The following CACNA1S variants were observed in gnomAD, a reference collection of about 807,000 sequenced individuals.
CACNA1S encodes the protein calcium voltage-gated channel subunit alpha1 S.
CACNA1S carries 126 observed loss-of-function variants against 207.4 expected under a neutral mutation model. That is an observed-to-expected ratio of 0.61 (90% CI 0.53 to 0.70). The LOEUF (loss-of-function observed/expected upper bound fraction) is 0.70, where lower values mean the gene tolerates loss of function less well. Ranked by LOEUF, CACNA1S falls within the 30% of genes least tolerant of loss-of-function variation. CACNA1S has a pLI of 0.00. For missense variants in CACNA1S, 2,349 were observed against 2,422.8 expected (o/e 0.97, Z 0.64); for synonymous variants, 960 against 932.7 (o/e 1.03, Z -0.53).
intron 32 of CACNA1S, among the ~76,000 whole-genome samples, chr1:201,051,578 T>C (rs1341603294): frequency 1.3e-5 from 2 of 152,274 alleles, no homozygotes; most frequent in Non-Finnish European, 2.9e-5. Context: ...ATTTCACACC[T>C]TGTGGATGTG....
chr1:201,101,243 G>A (rs1436580153), intron 2 of CACNA1S, among the ~76,000 whole-genome samples: 1 of 152,162 alleles, frequency 6.6e-6, no homozygotes, highest in Non-Finnish European at 1.5e-5. Context: ...GCTGCGGGCT[G>A]GGGAAAATCC....
In CACNA1S at chr1:201,066,425, C is replaced by A; in HGVS notation, c.2658-109G>T. The stretch of plus-strand genomic sequence containing the variant: ...CCCTCCACACCAGCTGCCTTTCTGC[C>A]TGAAAACACTCCCACCTTCCCCTTC... On this transcript the variant is annotated intron_variant, in intron 20 of 43. Transcript: ENST00000362061. This position sits in a 1 kb window ranked among gnomAD's most constrained non-coding sequence, Gnocchi z 4.3. 1.1e-6 allele frequency: 1 copy of A among 934,286 alleles called. No homozygotes were observed. Among genetic ancestry groups the A allele is most frequent in the Non-Finnish European group, 1.7e-6 (1 of 578,132 alleles). 57.9% of individuals were successfully genotyped at this position (934,286 alleles called of 1,614,324 possible).
chr1:201,043,767 C>A lies in CACNA1S; in HGVS notation c.4798-236G>T, dbSNP rs145256243. On this transcript the variant is annotated intron_variant, in intron 39 of 43. Transcript: ENST00000362061. ...TAAGGAGGTATATAGGGGACACAGG[C>A]ACACAGAAGAGAAGTGTGGTGTAGG... Among the ~76,000 whole-genome samples the A allele has an allele frequency of 2.0e-4, 30 of 152,260 alleles. No individual in the cohort carries two copies. The East Asian group carries it at 5.8e-3, about 29-fold the overall frequency.
chr1:201,055,319 C>T (rs1660800735), intron 28 of CACNA1S, among the ~76,000 whole-genome samples: 1 of 152,202 alleles, frequency 6.6e-6, no homozygotes, highest in African/African-American at 2.4e-5. Context: ...TTTCCCTGGA[C>T]CACTGGTTCT....
At chr1:201,058,021 C>A (rs1035249593) in intron 28 of CACNA1S, among the ~76,000 whole-genome samples, 5 of 152,186 alleles carry the variant, frequency 3.3e-5, no homozygotes, top group African/African-American at 1.2e-4. Flanking sequence ...GCATTTCCTG[C>A]GCTGTGCCTC....
chr1:201,074,384 G>C, intron 14 of CACNA1S, 122 bp downstream of exon 14: 1 of 718,098 alleles, frequency 1.4e-6, no homozygotes, highest in South Asian at 1.5e-5. Context: ...TTTGCCCACT[G>C]AGGTGGGTGT....
At chr1:201,084,040 T>G (rs1007073769) in intron 9 of CACNA1S, among the ~76,000 whole-genome samples, 2 of 152,220 alleles carry the variant, frequency 1.3e-5, no homozygotes, top group African/African-American at 4.8e-5. Context: ...TCCTGTGGAA[T>G]GTTTTACATC....
intron 2 of CACNA1S, among the ~76,000 whole-genome samples, chr1:201,102,743 T>C (rs1025257424): frequency 5.9e-5 from 9 of 152,228 alleles, no homozygotes; most frequent in Non-Finnish European, 1.3e-4. Flanking sequence ...AGCCATGATA[T>C]GTATAGACAG....
rs368720988 is a variant in CACNA1S at position 201,069,215 on chromosome 1, C to T, written c.2491-19G>A. The T allele has an allele frequency of 3.4e-5, 54 of 1,611,758 alleles. No homozygotes were observed. The highest frequency in any genetic ancestry group is 2.7e-4 in the African/African-American group (20 of 74,828). ...TAAGGATCTGGGGACAGGGCAGGGGCGGGAGCAGCCAGTGAGAGGAGGAGG... is the reference window on the plus strand; with the variant it reads ...TAAGGATCTGGGGACAGGGCAGGGGTGGGAGCAGCCAGTGAGAGGAGGAGG... On this transcript the variant is annotated intron_variant, in intron 18 of 43. Transcript: ENST00000362061.
rs758583828 is a variant in CACNA1S at position 201,054,539 on chromosome 1, C to T, written c.3632G>A (p.Gly1211Glu). Residue 1211 changes from glycine (G) to glutamate (E), a missense_variant, in exon 29 of 44, where the codon GGA (glycine) becomes GAA (glutamate). Transcript: ENST00000362061. ...EIDTFLASSG[G>E]LYCLGGGCGN... ...GCAGCCTCCACCCAGGCAATACAGT[C>T]CCCCGCTGGAGGCCAGGAAAGTCTG... 3.1e-5 allele frequency: 50 copies of T among 1,613,692 alleles called. No individual in the cohort carries two copies. The highest frequency in any genetic ancestry group is 4.2e-5 in the Non-Finnish European group (49 of 1,179,900).
chr1:201,079,939 A>C lies in CACNA1S; in HGVS notation c.1394-1835T>G, dbSNP rs141392369. The stretch of plus-strand genomic sequence containing the variant: ...TTTCTTTGGAATCGCAACCAACCCT[A>C]TCTCAAGACTGTTTGGGGTAGTCCT... On this transcript the variant is annotated intron_variant, in intron 10 of 43. Coordinates refer to ENST00000362061, the MANE Select transcript of CACNA1S (RefSeq NM_000069.3). Among the ~76,000 whole-genome samples the C allele has an allele frequency of 6.6e-5, 10 of 152,282 alleles. No individual in the cohort carries two copies. The East Asian group carries it at 1.9e-3, about 29-fold the overall frequency.
Position 201,085,493 on chromosome 1 carries a change from C to G in CACNA1S, c.1093G>C (p.Gly365Arg). The change falls in exon 8 of 44, where the codon GGC becomes CGC. Residue 365 changes from glycine to arginine, a missense_variant. Transcript: ENST00000362061. The part of the protein sequence containing the change: ...EKQQLDEDLR[G>R]YMSWITQGEV... ...CCCTGCGTGATCCAGCTCATGTAGC[C>G]CCGAAGGTCCTCATCTAGTTGCTGC... 6.2e-7 allele frequency: 1 copy of G among 1,613,068 alleles called. No homozygotes were observed. The highest frequency in any genetic ancestry group is 2.2e-5 in the East Asian group (1 of 44,866).
In CACNA1S at chr1:201,091,998, GGT is replaced by G. The variant is rs1225519912; in HGVS notation, c.513_514del (p.Arg171SerfsTer10). ...AGGCACCCCCGACACCAGCCGGAGG[GGT>G]CTGAGCACTCGGAAGGCTCTGAGGG... On this transcript the variant is annotated frameshift_variant, in exon 4 of 44. Transcript: ENST00000362061. LOFTEE classifies it high-confidence loss of function. 1 of 1,614,158 alleles carries G rather than the reference GGT, an allele frequency of 6.2e-7. No individual in the cohort carries two copies. The highest frequency in any genetic ancestry group is 8.5e-7 in the Non-Finnish European group (1 of 1,180,030).
At chr1:201,056,066 G>GACACACACAC (rs1350288817) in intron 28 of CACNA1S, among the ~76,000 whole-genome samples, 34 of 68,344 alleles carry the variant, frequency 5.0e-4, no homozygotes, top group South Asian at 1.7e-3. Flanking sequence ...CAGACAGACA[G>GACACACACAC]ACAGACACAC....
chr1:201,054,550 G>A lies in CACNA1S; in HGVS notation c.3621C>T (p.Ala1207=). 6.2e-7 allele frequency: 1 copy of A among 1,613,640 alleles called. No homozygotes were observed. Among genetic ancestry groups the A allele is most frequent in the East Asian group, 2.2e-5 (1 of 44,872 alleles). Residue 1207 remains alanine, a synonymous_variant, in exon 29 of 44, where the codon GCC becomes GCT. Coordinates refer to ENST00000362061, the MANE Select transcript of CACNA1S (RefSeq NM_000069.3). ...VILSEIDTFL[A]SSGGLYCLGG... is the part of the protein sequence containing the mutation. ...CCAGGCAATACAGTCCCCCGCTGGAGGCCAGGAAAGTCTGTGGAGAAAAGA... is the reference window on the plus strand; with the variant it reads ...CCAGGCAATACAGTCCCCCGCTGGAAGCCAGGAAAGTCTGTGGAGAAAAGA...
intron 7 of CACNA1S, among the ~76,000 whole-genome samples, chr1:201,087,441 G>A (rs899184766): frequency 1.3e-5 from 2 of 152,166 alleles, no homozygotes; most frequent in Non-Finnish European, 2.9e-5. Flanking sequence ...CACCCCCGGG[G>A]CCAGGAGGCT....
At chr1:201,074,671 C>T in intron 13 of CACNA1S, 51 bp from the exon 14 acceptor site, 5 of 1,199,628 alleles carry the variant, frequency 4.2e-6, no homozygotes, top group Non-Finnish European at 6.1e-6. Flanking sequence ...AGGGAGCCTG[C>T]AGGGCAGGAG....
intron 28 of CACNA1S, among the ~76,000 whole-genome samples, chr1:201,056,613 A>G (rs983654268): frequency 1.3e-5 from 2 of 152,108 alleles, no homozygotes; most frequent in African/African-American, 4.8e-5. Flanking sequence ...TCTCTTTTCC[A>G]CTGTGTCCCT....
In CACNA1S at chr1:201,106,600, C is replaced by T. The variant is rs375952034; in HGVS notation, c.258+3564G>A. On this transcript the variant is annotated intron_variant, in intron 2 of 43. Transcript: ENST00000362061. ...AAATATAAAGCTTTTCCCTTTCTTT[C>T]AGCCCCTTTCTCAGCCTACTGTGGT... is the stretch of plus-strand genomic sequence containing the variant. Among the ~76,000 whole-genome samples the T allele has an allele frequency of 2.6e-4, 39 of 152,296 alleles. No homozygotes were observed. In the East Asian group the frequency reaches 4.8e-3, roughly 19 times the overall value.
Sources: allele counts gnomAD v4.1 joint callset (sites outside exome capture counted in the v4.1 genomes callset), GRCh38; gene constraint gnomAD v4.1.1; non-coding constraint Gnocchi (gnomAD v3.1); transcripts MANE v1.5; gene names NCBI Gene and HGNC (gene_info 2026-07-23, HGNC 2026-07-21).